Variants in ANK3 observed in about 807,000 individuals in gnomAD.
ANK3 encodes ankyrin 3.
ANK3 carries 57 observed loss-of-function variants against 370.9 expected under a neutral mutation model. That is an observed-to-expected ratio of 0.15 (90% CI 0.12 to 0.19). ANK3 has a LOEUF of 0.19. ANK3 is among the 10% of genes least tolerant of loss of function. The pLI is 1.00. For synonymous variants in ANK3, 1,929 were observed against 1,946.3 expected, an observed-to-expected ratio of 0.99 and a Z score of 0.23; for missense variants, 4,439 against 5,302.1, an observed-to-expected ratio of 0.84 and a Z score of 5.06.
At position 60,069,232 on chromosome 10, in the gene ANK3, G is replaced by A; in HGVS notation, c.11649C>T (p.Asn3883=). The change falls in exon 37 of 44, where the codon AAC becomes AAT. Residue 3883 remains asparagine (N), a synonymous_variant. Coordinates refer to ENST00000280772, the MANE Select transcript of ANK3 (RefSeq NM_020987.5). ...KDTFPPNHMS[N]TKASKMKQVS... ...CCTGCTTCATTTTACTTGCTTTAGTGTTTGACATATGGTTCGGTGGGAAGG... is the reference window on the plus strand; with the variant it reads ...CCTGCTTCATTTTACTTGCTTTAGTATTTGACATATGGTTCGGTGGGAAGG... 6.2e-7 allele frequency: 1 copy of A among 1,614,184 alleles called. No homozygotes were observed.
intron 2 of ANK3, among the ~76,000 whole-genome samples, chr10:60,559,469 A>G (rs546833927): frequency 4.5e-4 from 68 of 152,208 alleles, no homozygotes; most frequent in African/African-American, 1.5e-3. Context: ...ATGTGTGCCT[A>G]CTTTTTGCTA....
At chr10:60,560,239 T>C (rs1028340986) in intron 2 of ANK3, among the ~76,000 whole-genome samples, 3 of 152,232 alleles carry the variant, frequency 2.0e-5, no homozygotes, top group Admixed American at 6.5e-5. Flanking sequence ...TTAAAATTAA[T>C]ATTTTGTAGT....
At chr10:60,622,337 C>CAGGTACA (rs999043817) in intron 1 of ANK3, among the ~76,000 whole-genome samples, 1 of 151,936 alleles carries the variant, frequency 6.6e-6, no homozygotes, top group African/African-American at 2.4e-5. Flanking sequence ...CTCTGCCTCC[C>CAGGTACA]AGGTACAAGT....
intron 2 of ANK3, among the ~76,000 whole-genome samples, chr10:60,476,400 T>A (rs1420578073): frequency 6.6e-6 from 1 of 152,162 alleles, no homozygotes; most frequent in East Asian, 1.9e-4. Flanking sequence ...TATAACATCC[T>A]TTTTTAAGTG....
At chr10:60,355,081 G>A (rs1222506460) in intron 1 of ANK3, among the ~76,000 whole-genome samples, 1 of 152,000 alleles carries the variant, frequency 6.6e-6, no homozygotes, top group African/African-American at 2.4e-5. Context: ...TAGTACATAA[G>A]AAAAAAGACT....
chr10:60,067,140 G>A (rs2081816462), intron 38 of ANK3, among the ~76,000 whole-genome samples: 1 of 152,140 alleles, frequency 6.6e-6, no homozygotes, highest in Admixed American at 6.5e-5. Flanking sequence ...GGCTAGTCCT[G>A]ACATTAAGTG....
rs372166531 is a variant in ANK3 at position 60,074,837 on chromosome 10, C to A, written c.6044G>T (p.Arg2015Ile). The A allele has an allele frequency of 6.2e-7, 1 of 1,613,666 alleles. No homozygotes were observed. The highest frequency in any genetic ancestry group is 1.7e-4 in the Middle Eastern group (1 of 6,054). The change falls in exon 37 of 44, where the codon AGA (arginine) becomes ATA (isoleucine). Residue 2015 changes from arginine to isoleucine, a missense_variant. By Grantham distance (97) the Arg-to-Ile change is moderately conservative. Coordinates refer to ENST00000280772, the MANE Select transcript of ANK3 (RefSeq NM_020987.5). ...AASQSPSLPE[R>I]VQVKAKAASE... Reference sequence around the variant, plus strand: ...GGCGGCTTTTGCTTTTACTTGCACTCTCTCTGGCAGAGATGGAGACTGGCT... The same window carrying A: ...GGCGGCTTTTGCTTTTACTTGCACTATCTCTGGCAGAGATGGAGACTGGCT...
At chr10:60,443,575 C>T (rs897875730) in intron 2 of ANK3, among the ~76,000 whole-genome samples, 1 of 152,098 alleles carries the variant, frequency 6.6e-6, no homozygotes, top group African/African-American at 2.4e-5. Context: ...CCCGGCGTGA[C>T]CCATTGCTTT....
intron 2 of ANK3, among the ~76,000 whole-genome samples, chr10:60,556,578 T>C (rs1472768326): frequency 6.6e-6 from 1 of 152,134 alleles, no homozygotes; most frequent in Admixed American, 6.6e-5. Context: ...TATCCACACA[T>C]CCAGTCCCAC....
intron 2 of ANK3, among the ~76,000 whole-genome samples, chr10:60,424,184 G>C (rs938839810): frequency 2.0e-5 from 3 of 151,896 alleles, no homozygotes; most frequent in African/African-American, 7.3e-5. Flanking sequence ...TCCTGGTTTT[G>C]GCCAGCACAG....
chr10:60,675,887 T>C (rs2079118429), intron 1 of ANK3, among the ~76,000 whole-genome samples: 1 of 152,094 alleles, frequency 6.6e-6, no homozygotes, highest in Non-Finnish European at 1.5e-5. Context: ...GGGCCACAGT[T>C]CTTCAGGAAC....
intron 1 of ANK3, chr10:60,733,158 G>A (rs2080050182): frequency 1.0e-6 from 1 of 980,040 alleles, no homozygotes; most frequent in African/African-American, 1.7e-5. Flanking sequence ...ACCCCCAGGA[G>A]GGCAGGACTC....
At chr10:60,455,182 C>T (rs2064715085) in intron 2 of ANK3, among the ~76,000 whole-genome samples, 1 of 152,150 alleles carries the variant, frequency 6.6e-6, no homozygotes, top group African/African-American at 2.4e-5. Flanking sequence ...TTACCCACTA[C>T]AAAATTAGTT....
intron 2 of ANK3, among the ~76,000 whole-genome samples, chr10:60,536,266 C>A (rs1401451221): frequency 6.6e-6 from 1 of 151,932 alleles, no homozygotes; most frequent in Non-Finnish European, 1.5e-5. Flanking sequence ...TGTGACAATC[C>A]TACTTTAAAG....
At chr10:60,248,663 C>A (rs1479146387) in intron 7 of ANK3, among the ~76,000 whole-genome samples, 1 of 152,190 alleles carries the variant, frequency 6.6e-6, no homozygotes, top group African/African-American at 2.4e-5. Context: ...TGCCTCATCT[C>A]ATTTCATCTC....
chr10:60,217,875 T>C (rs1431956930), intron 8 of ANK3, among the ~76,000 whole-genome samples: 2 of 152,164 alleles, frequency 1.3e-5, no homozygotes, highest in Non-Finnish European at 2.9e-5. Flanking sequence ...CCCACTATTA[T>C]GGTGTGGGAG....
chr10:60,284,333 A>G (rs1300280353), intron 1 of ANK3, among the ~76,000 whole-genome samples: 1 of 152,152 alleles, frequency 6.6e-6, no homozygotes, highest in African/African-American at 2.4e-5. Context: ...TAAGCCACCC[A>G]GTTTGTGGTG....
intron 2 of ANK3, among the ~76,000 whole-genome samples, chr10:60,566,376 G>C (rs2077461246): frequency 6.6e-6 from 1 of 152,172 alleles, no homozygotes; most frequent in Non-Finnish European, 1.5e-5. Context: ...AGCTACAAAT[G>C]ATTAAGCTTA....
intron 2 of ANK3, among the ~76,000 whole-genome samples, chr10:60,401,156 G>A (rs933432596): frequency 2.6e-5 from 4 of 152,114 alleles, no homozygotes; most frequent in Admixed American, 2.6e-4. Flanking sequence ...ATGATTCCAC[G>A]ATATGAGGTA....
Sources: allele counts gnomAD v4.1 joint callset (sites outside exome capture counted in the v4.1 genomes callset), GRCh38; gene constraint gnomAD v4.1.1; transcripts MANE v1.5; gene names NCBI Gene and HGNC (gene_info 2026-07-23, HGNC 2026-07-21).